Variants in HTT-AS observed in about 807,000 individuals in gnomAD.
HTT-AS encodes HTT antisense RNA (head to head).
chr4:3,071,676 G>A (rs1159178714), intron 1 of HTT-AS, among the ~76,000 whole-genome samples: 1 of 152,142 alleles, frequency 6.6e-6, no homozygotes, highest in Non-Finnish European at 1.5e-5. Flanking sequence ...ACCTCAGAAT[G>A]GGATTGTATT....
intron 1 of HTT-AS, among the ~76,000 whole-genome samples, chr4:3,072,956 G>A (rs1712219743): frequency 6.6e-6 from 1 of 152,078 alleles, no homozygotes; most frequent in Non-Finnish European, 1.5e-5. Flanking sequence ...AGACAGTGTC[G>A]CTCTATCACC....
chr4:3,052,598 T>C lies in HTT-AS; in HGVS notation n.1381-2900A>G, dbSNP rs77279585. Among the ~76,000 whole-genome samples the C allele has an allele frequency of 4.9e-3, 742 of 152,298 alleles. 7 individuals are homozygous for C. The highest frequency in any genetic ancestry group is 5.3e-3 in the Non-Finnish European group (358 of 68,026). Reference sequence around the variant, plus strand: ...AATTACTTCACATAGAGACTTGGTGTGTAATAACTAGGCAGGAAATATACT... The same window carrying C: ...AATTACTTCACATAGAGACTTGGTGCGTAATAACTAGGCAGGAAATATACT... On this transcript the variant is annotated intron_variant and non_coding_transcript_variant, in intron 2 of 2. Coordinates refer to ENST00000664062, the Ensembl canonical transcript of HTT-AS.
intron 2 of HTT-AS, among the ~76,000 whole-genome samples, chr4:3,056,834 C>A (rs1366836112): frequency 2.0e-5 from 3 of 152,110 alleles, no homozygotes; most frequent in Admixed American, 2.0e-4. Context: ...TACAGTCACC[C>A]CCACCATCTA....
downstream of HTT-AS, among the ~76,000 whole-genome samples, chr4:3,047,401 C>T (rs982363096): frequency 3.9e-5 from 6 of 152,188 alleles, no homozygotes; most frequent in Non-Finnish European, 5.9e-5. Context: ...TGACTATTAT[C>T]AATCATTAGT....
At chr4:3,052,346 A>C (rs1711719236) in intron 2 of HTT-AS, among the ~76,000 whole-genome samples, 1 of 152,202 alleles carries the variant, frequency 6.6e-6, no homozygotes, top group Non-Finnish European at 1.5e-5. Flanking sequence ...ACTTTTATTA[A>C]AGAGTGCAAT....
chr4:3,066,725 G>A (rs533818890), intron 1 of HTT-AS, among the ~76,000 whole-genome samples: 1 of 152,178 alleles, frequency 6.6e-6, no homozygotes, highest in Non-Finnish European at 1.5e-5. Flanking sequence ...AGTGTCCCAG[G>A]AGCCTGGCAT....
intron 2 of HTT-AS, among the ~76,000 whole-genome samples, chr4:3,059,915 G>GTA: frequency 9.0e-6 from 1 of 111,516 alleles, no homozygotes; most frequent in East Asian, 2.4e-4. Context: ...CTTTGTCCCT[G>GTA]TGTTTTTTGT....
intron 1 of HTT-AS, among the ~76,000 whole-genome samples, chr4:3,073,447 C>T (rs1376956704): frequency 6.6e-6 from 1 of 152,236 alleles, no homozygotes; most frequent in African/African-American, 2.4e-5. Flanking sequence ...TGAGCTGCTG[C>T]TGAATGACGC....
intron 1 of HTT-AS, among the ~76,000 whole-genome samples, chr4:3,068,633 T>C (rs1343069273): frequency 6.6e-6 from 1 of 150,922 alleles, no homozygotes; most frequent in Non-Finnish European, 1.5e-5. Flanking sequence ...CTATCTTTTG[T>C]AACATATATG....
intron 1 of HTT-AS, among the ~76,000 whole-genome samples, chr4:3,072,301 G>A (rs192123787): frequency 6.6e-6 from 1 of 152,354 alleles, no homozygotes; most frequent in African/African-American, 2.4e-5. Context: ...CCGCCTTTAT[G>A]TCCTCGCCAT....
intron 1 of HTT-AS, among the ~76,000 whole-genome samples, chr4:3,068,767 G>A (rs905972277): frequency 1.4e-5 from 2 of 147,784 alleles, no homozygotes; most frequent in Middle Eastern, 7.2e-3. Flanking sequence ...TGATTCTCTT[G>A]CCTCAGCCTC....
chr4:3,056,876 C>G (rs1308859710), intron 2 of HTT-AS, among the ~76,000 whole-genome samples: 1 of 152,200 alleles, frequency 6.6e-6, no homozygotes, highest in Non-Finnish European at 1.5e-5. Context: ...ACAGTTAACT[C>G]TTTGCATCTT....
chr4:3,057,276 G>A (rs537708425), intron 2 of HTT-AS, among the ~76,000 whole-genome samples: 40 of 152,116 alleles, frequency 2.6e-4, no homozygotes, highest in Middle Eastern at 3.4e-3. Context: ...CTCGTGATCT[G>A]CCCGCCTCGG....
chr4:3,072,787 C>T (rs941716059), intron 1 of HTT-AS, among the ~76,000 whole-genome samples: 1 of 152,126 alleles, frequency 6.6e-6, no homozygotes, highest in African/African-American at 2.4e-5. Flanking sequence ...ACCACTACAC[C>T]CGGCTAATTT....
intron 1 of HTT-AS, among the ~76,000 whole-genome samples, chr4:3,066,740 A>G (rs766816831): frequency 2.4e-4 from 36 of 152,208 alleles, no homozygotes; most frequent in Admixed American, 1.6e-3. Flanking sequence ...TGGCATTGCA[A>G]ACAAAAATCC....
At chr4:3,054,413 AT>A (rs1205251523) in intron 2 of HTT-AS, among the ~76,000 whole-genome samples, 1 of 152,186 alleles carries the variant, frequency 6.6e-6, no homozygotes, top group Admixed American at 6.6e-5. Flanking sequence ...CCATTATAAC[AT>A]GTAATTGAAA....
downstream of HTT-AS, among the ~76,000 whole-genome samples, chr4:3,047,191 G>A (rs931327511): frequency 6.6e-6 from 1 of 151,880 alleles, no homozygotes; most frequent in Non-Finnish European, 1.5e-5. Flanking sequence ...TGCACCTGTA[G>A]TCCCAGCTAC....
chr4:3,068,071 C>T (rs181260325), intron 1 of HTT-AS, among the ~76,000 whole-genome samples: 2,511 of 151,984 alleles, frequency 0.017, 66 homozygotes, highest in African/African-American at 0.057. Flanking sequence ...TTTGGGAGGC[C>T]GAGGCGGGTG....
exon 2 of HTT-AS, among the ~76,000 whole-genome samples, chr4:3,062,722 A>G (rs962526594): frequency 6.6e-6 from 1 of 151,836 alleles, no homozygotes; most frequent in Non-Finnish European, 1.5e-5. Flanking sequence ...CCTCTGCTTT[A>G]TCATTAGAAC....
Sources: gnomAD v4.1 joint callset for allele counts (sites outside exome capture counted in the v4.1 genomes callset) on GRCh38, gnomAD v4.1.1 for gene constraint, MANE v1.5 for transcripts, NCBI Gene and HGNC (gene_info 2026-07-23, HGNC 2026-07-21) for gene names.